Variants in RMI1 observed in about 807,000 individuals in gnomAD.
The protein encoded by RMI1 is recQ-mediated genome instability protein 1.
In RMI1, 36 loss-of-function variants were observed where a neutral mutation model predicts 46.7. That is an observed-to-expected ratio of 0.77 (90% confidence interval 0.59 to 1.02). The LOEUF is 1.02. Among genes scored for constraint, RMI1 ranks in the 50% least tolerant of loss-of-function variants. RMI1 has a pLI of 0.00. For synonymous variants in RMI1, 250 were observed against 252.9 expected (o/e 0.99, Z 0.11); for missense variants, 676 against 713.7 (o/e 0.95, Z 0.60).
chr9:84,000,722 A>G (rs1408277824), intron 2 of RMI1, among the ~76,000 whole-genome samples: 2 of 152,290 alleles, frequency 1.3e-5, no homozygotes, highest in Non-Finnish European at 2.9e-5. Flanking sequence ...ATTAGGTCAC[A>G]TATCTTGTAA....
At chr9:83,981,880 T>C (rs957732741) in intron 1 of RMI1, among the ~76,000 whole-genome samples, 2 of 152,200 alleles carry the variant, frequency 1.3e-5, no homozygotes, top group African/African-American at 4.8e-5. Context: ...GGAAAACTCT[T>C]GTTAGGGCGC....
At chr9:83,995,422 A>G (rs1396279995) in intron 1 of RMI1, among the ~76,000 whole-genome samples, 2 of 136,598 alleles carry the variant, frequency 1.5e-5, no homozygotes, top group Non-Finnish European at 3.2e-5. Flanking sequence ...ATTGTGTAAT[A>G]TCTTTTTTTT....
chr9:83,993,256 C>T (rs114097865), intron 1 of RMI1, among the ~76,000 whole-genome samples: 3,178 of 152,228 alleles, frequency 0.021, 138 homozygotes, highest in African/African-American at 0.072. Context: ...CAGTATTTGT[C>T]CTTTTGTGAT....
At chr9:83,994,499 T>G (rs558550178) in intron 1 of RMI1, among the ~76,000 whole-genome samples, 35 of 152,348 alleles carry the variant, frequency 2.3e-4, no homozygotes, top group African/African-American at 8.4e-4. Context: ...ACGTCCATCT[T>G]TAATCTTTTA....
In RMI1 at chr9:84,003,739, A is replaced by G. The variant is rs1185991138; in HGVS notation, c.*875A>G. On this transcript the variant is annotated 3_prime_UTR_variant, in exon 3 of 3. Coordinates refer to ENST00000445877, the MANE Select transcript of RMI1 (RefSeq NM_001358291.2). ...TTCATAGATTATATTGAATGATTTA[A>G]AACTTTATTTTCAAGGATAGTTTAT... 1.2e-5 allele frequency: 2 copies of G among 166,762 alleles called. No individual in the cohort carries two copies. The highest frequency in any genetic ancestry group is 4.8e-5 in the African/African-American group (2 of 41,470). 10.3% of individuals were successfully genotyped at this position (166,762 alleles called of 1,614,324 possible). A position where few individuals can be genotyped will look rare whatever the true frequency, so the allele number is the denominator to read the frequency against.
intron 1 of RMI1, among the ~76,000 whole-genome samples, chr9:83,991,306 CT>C (rs55692810): frequency 1.9e-3 from 272 of 140,828 alleles, no homozygotes; most frequent in Middle Eastern, 3.8e-3. Context: ...TGTCATTTTT[CT>C]TTTTTTTTTT....
At position 84,002,503 on chromosome 9, in the gene RMI1, C is replaced by G. The variant is rs1167476007; in HGVS notation, c.1517C>G (p.Thr506Arg). The change falls in exon 3 of 3, where the codon ACA (threonine) becomes AGA (arginine). Residue 506 changes from threonine (T) to arginine (R), a missense_variant. Thr to Arg is a moderately conservative substitution (Grantham distance 71). Transcript: ENST00000445877. Reference sequence around the variant, plus strand: ...ATGGCCAGCAAACCAAAGGAAGTTACAACAGTGAAAGTGAAAGCATTTATT... The same window carrying G: ...ATGGCCAGCAAACCAAAGGAAGTTAGAACAGTGAAAGTGAAAGCATTTATT... ...VLMASKPKEV[T>R]TVKVKAFIVT... 3.1e-6 allele frequency: 5 copies of G among 1,613,954 alleles called. No individual in the cohort carries two copies. The highest frequency in any genetic ancestry group is 3.4e-6 in the Non-Finnish European group (4 of 1,179,962).
At chr9:83,989,149 A>G (rs938859314) in intron 1 of RMI1, among the ~76,000 whole-genome samples, 2 of 152,274 alleles carry the variant, frequency 1.3e-5, no homozygotes, top group Middle Eastern at 3.4e-3. Context: ...GTGAGCCACT[A>G]TGCCTGGACT....
chr9:83,995,707 C>T (rs1027692883), intron 1 of RMI1, among the ~76,000 whole-genome samples: 31 of 152,182 alleles, frequency 2.0e-4, no homozygotes, highest in African/African-American at 6.3e-4. Flanking sequence ...GGATTACAGG[C>T]GTGAGCCACT....
At chr9:83,989,896 C>T (rs6559753) in intron 1 of RMI1, among the ~76,000 whole-genome samples, 77,717 of 151,994 alleles carry the variant, frequency 0.51, 20,134 homozygotes, top group East Asian at 0.63. Context: ...TGCATTCCAG[C>T]GTTTATTACA....
At chr9:83,990,683 C>T (rs1373090610) in intron 1 of RMI1, among the ~76,000 whole-genome samples, 1 of 152,108 alleles carries the variant, frequency 6.6e-6, no homozygotes, top group East Asian at 1.9e-4. Flanking sequence ...CTGATTTGAT[C>T]ATTACACACT....
intron 1 of RMI1, among the ~76,000 whole-genome samples, chr9:83,991,306 C>CTTT (rs55692810): frequency 2.8e-5 from 4 of 141,082 alleles, no homozygotes; most frequent in Non-Finnish European, 6.2e-5. Flanking sequence ...TGTCATTTTT[C>CTTT]TTTTTTTTTT....
rs529550568 is a variant in RMI1 at position 83,986,826 on chromosome 9, GTCT to G, written c.-126+5940_-126+5942del. 1.7e-4 allele frequency among the ~76,000 whole-genome samples: 26 copies of G among 152,220 alleles called. No homozygotes were observed. In the East Asian group the frequency reaches 4.8e-3, roughly 28 times the overall value. ...GACCTTTTCAGTTCATAACCAATCA[GTCT>G]TCTTTTCTTACTGATTCATTTCTTT... On this transcript the variant is annotated intron_variant, in intron 1 of 2. Transcript: ENST00000445877.
rs1030347762 is a variant in RMI1 at position 84,001,504 on chromosome 9, T to A, written c.518T>A (p.Ile173Lys). Residue 173 changes from isoleucine to lysine, a missense_variant, in exon 3 of 3, where the codon ATA (isoleucine) becomes AAA (lysine). By Grantham distance (102) the Ile-to-Lys change is moderately radical. Transcript: ENST00000445877. The part of the protein sequence containing the change: ...PGTKILIYGN[I>K]SFRLGVLLLK... ...ACAAAAATTTTGATTTATGGAAATA[T>A]ATCTTTCCGTCTTGGTGTTCTCTTA... is the stretch of plus-strand genomic sequence containing the variant. 4.3e-6 allele frequency: 7 copies of A among 1,613,878 alleles called. No individual in the cohort carries two copies. Among genetic ancestry groups the A allele is most frequent in the African/African-American group, 2.7e-5 (2 of 74,950 alleles).
chr9:83,991,790 A>G (rs1957578449), intron 1 of RMI1, among the ~76,000 whole-genome samples: 2 of 152,182 alleles, frequency 1.3e-5, no homozygotes, highest in Non-Finnish European at 2.9e-5. Context: ...AAATCAATTG[A>G]TCATATATAT....
chr9:84,000,965 T>C lies in RMI1; in HGVS notation c.-22T>C. The C allele has an allele frequency of 6.5e-7, 1 of 1,541,594 alleles. No individual in the cohort carries two copies. Among genetic ancestry groups the C allele is most frequent in the Non-Finnish European group, 8.7e-7 (1 of 1,145,238 alleles). ...TTTGTTTTCAGGTAATAGATGCATA[T>C]TATTTCTTTTATTTAAAAGAAATGA... On this transcript the variant is annotated 5_prime_UTR_variant, in exon 3 of 3. Coordinates refer to ENST00000445877, the MANE Select transcript of RMI1 (RefSeq NM_001358291.2).
chr9:83,994,149 T>G (rs961269324), intron 1 of RMI1, among the ~76,000 whole-genome samples: 3 of 152,150 alleles, frequency 2.0e-5, no homozygotes, highest in African/African-American at 7.2e-5. Flanking sequence ...GATTATTTTT[T>G]GTTGTTAATT....
intron 1 of RMI1, among the ~76,000 whole-genome samples, chr9:83,987,234 TG>T (rs1326765639): frequency 6.6e-6 from 1 of 152,164 alleles, no homozygotes; most frequent in Non-Finnish European, 1.5e-5. Flanking sequence ...AGCTAATTTT[TG>T]TATGTTTAGT....
chr9:83,995,784 T>C (rs1316702207), intron 1 of RMI1, among the ~76,000 whole-genome samples: 1 of 152,226 alleles, frequency 6.6e-6, no homozygotes. Flanking sequence ...ATGCATAAGT[T>C]ATCTCCTCAT....
Sources: allele counts gnomAD v4.1 joint callset (sites outside exome capture counted in the v4.1 genomes callset), GRCh38; gene constraint gnomAD v4.1.1; transcripts MANE v1.5; gene names NCBI Gene and HGNC (gene_info 2026-07-23, HGNC 2026-07-21).